VSNL1: variants seen among roughly 807,000 people sequenced by gnomAD.
The protein encoded by VSNL1 is visinin like 1.
VSNL1 carries 6 observed loss-of-function variants against 20.4 expected under a neutral mutation model. That is an observed-to-expected ratio of 0.29 (90% CI 0.16 to 0.58). The LOEUF (loss-of-function observed/expected upper bound fraction) is 0.58. Ranked by LOEUF, VSNL1 falls within the 20% of genes least tolerant of loss-of-function variation. The pLI, the probability that VSNL1 is intolerant of heterozygous loss-of-function variation, is 0.90. For synonymous variants in VSNL1, 93 were observed against 86.4 expected, an observed-to-expected ratio of 1.08 and a Z score of -0.42; for missense variants, 100 against 234.5, an observed-to-expected ratio of 0.43 and a Z score of 3.75.
chr2:17,547,406 C>G (rs1252559918), intron 1 of VSNL1, among the ~76,000 whole-genome samples: 1 of 152,060 alleles, frequency 6.6e-6, no homozygotes, highest in Non-Finnish European at 1.5e-5. Flanking sequence ...GAAGCAATCT[C>G]CGTTCATTGC....
chr2:17,611,446 C>G (rs1665084161), intron 2 of VSNL1, among the ~76,000 whole-genome samples: 1 of 152,180 alleles, frequency 6.6e-6, no homozygotes, highest in South Asian at 2.1e-4. Flanking sequence ...AGTGATTATG[C>G]TGAAAGACAA....
chr2:17,619,883 C>T (rs1270324584), intron 2 of VSNL1, among the ~76,000 whole-genome samples: 6 of 130,442 alleles, frequency 4.6e-5, no homozygotes, highest in Admixed American at 2.2e-4. Context: ...AAATGCAATC[C>T]CCCCCCAAAA....
chr2:17,559,973 A>G (rs913404192), intron 1 of VSNL1, among the ~76,000 whole-genome samples: 3 of 151,986 alleles, frequency 2.0e-5, no homozygotes, highest in African/African-American at 4.8e-5. Flanking sequence ...AAACTGGATA[A>G]GGAGACTAGC....
chr2:17,619,728 C>T (rs1052387817), intron 2 of VSNL1, among the ~76,000 whole-genome samples: 7 of 152,114 alleles, frequency 4.6e-5, no homozygotes, highest in African/African-American at 1.7e-4. Context: ...CATTTGCCTC[C>T]CTCCTTATGC....
chr2:17,627,188 A>G (rs1665531696), intron 2 of VSNL1, among the ~76,000 whole-genome samples: 1 of 152,190 alleles, frequency 6.6e-6, no homozygotes, highest in Non-Finnish European at 1.5e-5. Flanking sequence ...CAACCCTCAA[A>G]CAATCCTAGT....
At chr2:17,581,344 C>T (rs1664344793) in intron 1 of VSNL1, among the ~76,000 whole-genome samples, 1 of 152,074 alleles carries the variant, frequency 6.6e-6, no homozygotes, top group South Asian at 2.1e-4. Context: ...TTTATTTGTA[C>T]ATTTGTGTGT....
chr2:17,546,313 T>C (rs998230473), intron 1 of VSNL1, among the ~76,000 whole-genome samples: 2 of 152,058 alleles, frequency 1.3e-5, no homozygotes, highest in African/African-American at 4.8e-5. Flanking sequence ...CTCTCACTTT[T>C]TAAGTATACT....
chr2:17,565,246 T>G (rs971941353), intron 1 of VSNL1, among the ~76,000 whole-genome samples: 3 of 152,126 alleles, frequency 2.0e-5, no homozygotes, highest in African/African-American at 7.2e-5. Flanking sequence ...AGAAAATACT[T>G]TTTTATTGGG....
rs946366909 is a variant in VSNL1 at position 17,592,185 on chromosome 2, C to T, written c.111C>T (p.Asp37=). 1.4e-5 allele frequency: 23 copies of T among 1,613,764 alleles called. No individual in the cohort carries two copies. The highest frequency in any genetic ancestry group is 1.7e-5 in the Admixed American group (1 of 59,996). The change falls in exon 2 of 4, where the codon GAC becomes GAT. Residue 37 remains aspartate, a synonymous_variant. Coordinates refer to ENST00000295156, the MANE Select transcript of VSNL1 (RefSeq NM_003385.5). Reference sequence around the variant, plus strand: ...AGTGGTACAAAGGATTTCTCAAGGACTGTCCAAGTGGGAGGCTAAATCTCG... The same window carrying T: ...AGTGGTACAAAGGATTTCTCAAGGATTGTCCAAGTGGGAGGCTAAATCTCG... The part of the protein sequence containing the change: ...LKQWYKGFLK[D]CPSGRLNLEE...
intron 1 of VSNL1, among the ~76,000 whole-genome samples, chr2:17,553,040 C>T (rs62130456): frequency 0.029 from 4,459 of 151,702 alleles, 62 homozygotes; most frequent in Middle Eastern, 0.054. Context: ...AATGTTAAGT[C>T]TCCTATAAAA....
chr2:17,542,181 A>G (rs1402709208), intron 1 of VSNL1, among the ~76,000 whole-genome samples: 2 of 151,390 alleles, frequency 1.3e-5, no homozygotes, highest in South Asian at 2.1e-4. Flanking sequence ...TACCCCCACT[A>G]TCATTTAAAC....
chr2:17,558,145 G>A (rs1392921797), intron 1 of VSNL1, among the ~76,000 whole-genome samples: 1 of 152,148 alleles, frequency 6.6e-6, no homozygotes, highest in Non-Finnish European at 1.5e-5. Flanking sequence ...AGTATATAAT[G>A]AGAGCAGGAG....
rs1480942950 is a variant in VSNL1, at chr2:17,548,468, G to T, written c.-6+7550G>T. On this transcript the variant is annotated intron_variant, in intron 1 of 3. Coordinates refer to ENST00000295156, the MANE Select transcript of VSNL1 (RefSeq NM_003385.5). ...CCTGGATGATTCATAGAATTGAGTA[G>T]GGTTATTGTTCTAATTAATCTTTTG... Among the ~76,000 whole-genome samples, 4 of 152,208 alleles carry T rather than the reference G, an allele frequency of 2.6e-5. No homozygotes were observed. In the East Asian group the frequency reaches 7.7e-4, roughly 29 times the overall value.
chr2:17,607,180 G>A (rs1446632681), intron 2 of VSNL1, among the ~76,000 whole-genome samples: 1 of 152,108 alleles, frequency 6.6e-6, no homozygotes, highest in Non-Finnish European at 1.5e-5. Context: ...AAGGAGAATG[G>A]GGCTGAGCCA....
chr2:17,598,064 G>A lies in VSNL1; in HGVS notation c.162+5828G>A, dbSNP rs55943530. On this transcript the variant is annotated intron_variant, in intron 2 of 3. Coordinates refer to ENST00000295156, the MANE Select transcript of VSNL1 (RefSeq NM_003385.5). ...AGGACCAGCACCTAAATATTTGATG[G>A]TAAAAATCTTTTAATAGAATAAGAA... Among the ~76,000 whole-genome samples the A allele has an allele frequency of 8.3e-3, 1,266 of 152,162 alleles. 16 individuals carry two copies. Among genetic ancestry groups the A allele is most frequent in the African/African-American group, 0.029 (1,189 of 41,512 alleles).
chr2:17,589,259 G>A (rs764153427), intron 1 of VSNL1, among the ~76,000 whole-genome samples: 5 of 152,188 alleles, frequency 3.3e-5, no homozygotes, highest in Non-Finnish European at 7.3e-5. Flanking sequence ...TATAATCACT[G>A]ACACATGAGA....
rs1665940271 is a variant in VSNL1 at position 17,644,015 on chromosome 2, T to C, written c.163-5395T>C. 2.0e-5 allele frequency among the ~76,000 whole-genome samples: 3 copies of C among 152,248 alleles called. No homozygotes were observed. The South Asian group carries it at 6.2e-4, about 32-fold the overall frequency. On this transcript the variant is annotated intron_variant, in intron 2 of 3. Transcript: ENST00000295156. Reference sequence around the variant, plus strand: ...TTCTTCTGAGAACAATTAGATGCTATTGTCGGGTGTGGGAAGGAAACTTGA... The same window carrying C: ...TTCTTCTGAGAACAATTAGATGCTACTGTCGGGTGTGGGAAGGAAACTTGA...
At chr2:17,592,537 A>G (rs992355856) in intron 2 of VSNL1, among the ~76,000 whole-genome samples, 8 of 150,196 alleles carry the variant, frequency 5.3e-5, no homozygotes, top group Non-Finnish European at 8.9e-5. Flanking sequence ...GCTGATAATT[A>G]TTGACAGTTT....
At chr2:17,600,375 A>C (rs1664798227) in intron 2 of VSNL1, among the ~76,000 whole-genome samples, 1 of 152,210 alleles carries the variant, frequency 6.6e-6, no homozygotes, top group Non-Finnish European at 1.5e-5. Context: ...GGTGAGGCTT[A>C]TCAGTGACTT....
Sources: gnomAD v4.1 joint callset for allele counts (sites outside exome capture counted in the v4.1 genomes callset) on GRCh38, gnomAD v4.1.1 for gene constraint, MANE v1.5 for transcripts, NCBI Gene and HGNC (gene_info 2026-07-23, HGNC 2026-07-21) for gene names.